The following IQGAP2 variants were observed in gnomAD, a reference collection of about 807,000 sequenced individuals.
IQGAP2 encodes the protein IQ motif containing GTPase activating protein 2, also known as ras GTPase-activating-like protein IQGAP2.
IQGAP2 carries 173 observed loss-of-function variants against 201.3 expected under a neutral mutation model. The observed-to-expected ratio is 0.86, with a 90% CI of 0.76 to 0.98. IQGAP2 has a LOEUF of 0.98. Among genes scored for constraint, IQGAP2 ranks in the 50% least tolerant of loss-of-function variants. The probability of loss-of-function intolerance (pLI) is 0.00; values close to 1 mark genes in which losing one functional copy is unlikely to be tolerated. For missense variants in IQGAP2, 1,687 were observed against 1,864.8 expected (o/e 0.90, Z 1.76); for synonymous variants, 675 against 673.9 (o/e 1.00, Z -0.03).
rs201571668 is a variant in IQGAP2 at position 76,702,568 on chromosome 5, A to G, written c.4592A>G (p.Glu1531Gly). 1.5e-5 allele frequency: 23 copies of G among 1,562,696 alleles called. No homozygotes were observed. In the Admixed American group the frequency reaches 2.0e-4, roughly 14 times the overall value. The change falls in exon 35 of 36, where the codon GAA becomes GGA. Residue 1531 changes from glutamate to glycine, a missense_variant. Transcript: ENST00000274364. ...VRSKFLGVEM[E>G]KVQLNIQDLL... is the part of the protein sequence containing the mutation. Reference sequence around the variant, plus strand: ...TCAAAATTCCTTGGTGTTGAGATGGAAAAGGTGCAACTCAATATTCAGGTA... The same window carrying G: ...TCAAAATTCCTTGGTGTTGAGATGGGAAAGGTGCAACTCAATATTCAGGTA...
intron 1 of IQGAP2, among the ~76,000 whole-genome samples, chr5:76,404,088 C>T (rs927685568): frequency 6.6e-6 from 1 of 152,198 alleles, no homozygotes; most frequent in Non-Finnish European, 1.5e-5. Flanking sequence ...CGGGAGTCTC[C>T]TCCTGTCCCG....
intron 1 of IQGAP2, among the ~76,000 whole-genome samples, chr5:76,409,798 G>A (rs1356040527): frequency 6.6e-6 from 1 of 152,204 alleles, no homozygotes; most frequent in Non-Finnish European, 1.5e-5. Context: ...CCTGTGAGCT[G>A]ATACTTTGTC....
At chr5:76,625,710 T>C (rs1026351264) in intron 13 of IQGAP2, among the ~76,000 whole-genome samples, 1 of 152,152 alleles carries the variant, frequency 6.6e-6, no homozygotes, top group African/African-American at 2.4e-5. Context: ...CTGAGGAAAA[T>C]AGTGTTAGAA....
intron 14 of IQGAP2, among the ~76,000 whole-genome samples, chr5:76,628,205 G>A (rs950627866): frequency 1.3e-5 from 2 of 152,188 alleles, no homozygotes; most frequent in Non-Finnish European, 2.9e-5. Flanking sequence ...CTGTACTTAG[G>A]AGAAAGTACA....
chr5:76,590,614 G>C, intron 8 of IQGAP2, 28 bp downstream of exon 8: 2 of 1,545,758 alleles, frequency 1.3e-6, no homozygotes, highest in Non-Finnish European at 1.8e-6. Context: ...AATAAAAACA[G>C]TAATGAATGT....
chr5:76,583,507 A>T (rs1222698437), intron 5 of IQGAP2, among the ~76,000 whole-genome samples: 2 of 152,132 alleles, frequency 1.3e-5, no homozygotes, highest in Non-Finnish European at 2.9e-5. Context: ...ATTTTTTTTA[A>T]TTTTTTAGTA....
chr5:76,583,780 CAGTTTAGTATAAACATTTT>C (rs1189979776), intron 5 of IQGAP2, among the ~76,000 whole-genome samples: 2 of 152,126 alleles, frequency 1.3e-5, no homozygotes, highest in Non-Finnish European at 2.9e-5. Flanking sequence ...GGAAAATTAA[CAGTTTAGTATAAACATTTT>C]ACTTCATGTT....
intron 30 of IQGAP2, among the ~76,000 whole-genome samples, chr5:76,689,715 G>A (rs1746101962): frequency 1.3e-5 from 2 of 151,170 alleles, no homozygotes; most frequent in South Asian, 2.1e-4. Flanking sequence ...ACTAGCAGGA[G>A]CACTAAATGG....
intron 1 of IQGAP2, among the ~76,000 whole-genome samples, chr5:76,434,006 T>C (rs1752518500): frequency 6.6e-6 from 1 of 152,142 alleles, no homozygotes; most frequent in Non-Finnish European, 1.5e-5. Context: ...GGTTCAGAGT[T>C]TTTCGTTACT....
intron 3 of IQGAP2, among the ~76,000 whole-genome samples, chr5:76,564,726 C>T (rs543338752): frequency 1.1e-4 from 16 of 152,254 alleles, no homozygotes; most frequent in Admixed American, 2.6e-4. Context: ...ACTTGCGGGG[C>T]GTAGGCAGGT....
Position 76,418,796 on chromosome 5 carries a change from G to C in IQGAP2, c.46+15205G>C, listed in dbSNP as rs543934114. 6.8e-4 allele frequency among the ~76,000 whole-genome samples: 104 copies of C among 152,274 alleles called. No individual in the cohort carries two copies. In the Middle Eastern group the frequency reaches 0.014, roughly 20 times the overall value. Reference sequence around the variant, plus strand: ...GAGATCCTCTCTTTATAAAGCTTATGGCTTATTCTCAGGAAAAGTAGGGGG... The same window carrying C: ...GAGATCCTCTCTTTATAAAGCTTATCGCTTATTCTCAGGAAAAGTAGGGGG... On this transcript the variant is annotated intron_variant, in intron 1 of 35. Coordinates refer to ENST00000274364, the MANE Select transcript of IQGAP2 (RefSeq NM_006633.5).
At chr5:76,424,589 G>A (rs980930267) in intron 1 of IQGAP2, among the ~76,000 whole-genome samples, 9 of 152,304 alleles carry the variant, frequency 5.9e-5, no homozygotes, top group East Asian at 1.9e-4. Context: ...GAGCCACCAC[G>A]CCCGGCCCTA....
At chr5:76,658,019 C>T (rs771845548) in intron 20 of IQGAP2, among the ~76,000 whole-genome samples, 1 of 152,078 alleles carries the variant, frequency 6.6e-6, no homozygotes, top group Admixed American at 6.6e-5. Flanking sequence ...CCCAAAGATC[C>T]TTTGGGCTGG....
intron 2 of IQGAP2, among the ~76,000 whole-genome samples, chr5:76,480,782 G>A (rs143543851): frequency 1.3e-5 from 2 of 152,294 alleles, no homozygotes; most frequent in African/African-American, 2.4e-5. Context: ...AGAATTTTTT[G>A]TGCATCCCTG....
intron 20 of IQGAP2, among the ~76,000 whole-genome samples, chr5:76,658,206 TGATAAAAGG>T (rs955332120): frequency 3.9e-5 from 6 of 152,102 alleles, no homozygotes; most frequent in African/African-American, 4.8e-5. Context: ...GAGAGAGAGC[TGATAAAAGG>T]GATAAAAGGG....
chr5:76,565,720 A>G (rs138812516), intron 3 of IQGAP2, among the ~76,000 whole-genome samples: 1 of 152,324 alleles, frequency 6.6e-6, no homozygotes, highest in East Asian at 1.9e-4. Context: ...ATGAATGACA[A>G]TAGTTTCACA....
chr5:76,430,916 TAAATA>T (rs1183534173), intron 1 of IQGAP2, among the ~76,000 whole-genome samples: 3 of 152,300 alleles, frequency 2.0e-5, no homozygotes, highest in African/African-American at 7.2e-5. Context: ...AAATAAATTA[TAAATA>T]AAATATTTAT....
In IQGAP2 at chr5:76,546,157, C is replaced by T. The variant is rs149797222; in HGVS notation, c.147-16239C>T. On this transcript the variant is annotated intron_variant, in intron 2 of 35. Transcript: ENST00000274364. Reference sequence around the variant, plus strand: ...TCCATTTAATACACCCCTTTTTGGCCGGGTGTGTTGGCTCACACCTGTAAT... The same window carrying T: ...TCCATTTAATACACCCCTTTTTGGCTGGGTGTGTTGGCTCACACCTGTAAT... 2.4e-3 allele frequency among the ~76,000 whole-genome samples: 362 copies of T among 151,842 alleles called. 1 individual carries two copies. The highest frequency in any genetic ancestry group is 4.2e-3 in the Non-Finnish European group (284 of 67,916).
intron 30 of IQGAP2, among the ~76,000 whole-genome samples, chr5:76,692,628 T>C (rs946701841): frequency 6.6e-6 from 1 of 152,212 alleles, no homozygotes; most frequent in African/African-American, 2.4e-5. Flanking sequence ...ATGAGAGAAC[T>C]ACGGTTTTCG....
Sources: gnomAD v4.1 joint callset for allele counts (sites outside exome capture counted in the v4.1 genomes callset) on GRCh38, gnomAD v4.1.1 for gene constraint, MANE v1.5 for transcripts, NCBI Gene and HGNC (gene_info 2026-07-23, HGNC 2026-07-21) for gene names.